RGS22: variants seen among roughly 807,000 people sequenced by gnomAD.
RGS22 encodes regulator of G protein signaling 22.
RGS22 carries 148 observed loss-of-function variants against 172.9 expected under a neutral mutation model. The observed-to-expected ratio is 0.86, with a 90% CI of 0.75 to 0.98. The LOEUF (loss-of-function observed/expected upper bound fraction) is 0.98, where lower values mean the gene tolerates loss of function less well. Ranked by LOEUF, RGS22 falls within the 50% of genes least tolerant of loss-of-function variation. The pLI, the probability that RGS22 is intolerant of heterozygous loss-of-function variation, is 0.00. For missense variants in RGS22, 1,347 were observed against 1,440.8 expected, an observed-to-expected ratio of 0.93 and a Z score of 1.05; for synonymous variants, 458 against 480.2, an observed-to-expected ratio of 0.95 and a Z score of 0.60.
At chr8:100,066,063 T>C (rs1810511086) in intron 7 of RGS22, 104 bp downstream of exon 7, 1 of 1,034,670 alleles carries the variant, frequency 9.7e-7, no homozygotes, top group African/African-American at 1.6e-5. Flanking sequence ...CGTATGTGGA[T>C]AATTTTTTCT....
At chr8:100,100,578 T>C (rs201145953) in intron 2 of RGS22, among the ~76,000 whole-genome samples, 29 of 152,134 alleles carry the variant, frequency 1.9e-4, no homozygotes, top group African/African-American at 6.0e-4. Flanking sequence ...GTGTGAGCCA[T>C]TGCACCTGGC....
intron 14 of RGS22, among the ~76,000 whole-genome samples, chr8:100,013,021 G>A (rs114366945): frequency 0.014 from 1,667 of 120,492 alleles, 27 homozygotes; most frequent in African/African-American, 0.047. Flanking sequence ...AGTCAGTCTC[G>A]CTTTATCACC....
In RGS22 at chr8:99,965,448, TA is replaced by T. The variant is rs1213067828; in HGVS notation, c.3520-19del. 6.7e-7 allele frequency: 1 copy of T among 1,502,778 alleles called. No individual in the cohort carries two copies. Among genetic ancestry groups the T allele is most frequent in the African/African-American group, 1.4e-5 (1 of 71,994 alleles). 93.1% of individuals were successfully genotyped at this position (1,502,778 alleles called of 1,614,324 possible). A position where few individuals can be genotyped will look rare whatever the true frequency, so the allele number is the denominator to read the frequency against. Reference sequence around the variant, plus strand: ...ATTCCATCCTGTAATTATATTAAATTAAATTATTACCCAGAAAAGATAATGA... The same window carrying T: ...ATTCCATCCTGTAATTATATTAAATTAATTATTACCCAGAAAAGATAATGA... On this transcript the variant is annotated intron_variant, in intron 23 of 27. Transcript: ENST00000360863.
chr8:100,066,247 T>C lies in RGS22; in HGVS notation c.644A>G (p.Gln215Arg). 6.2e-7 allele frequency: 1 copy of C among 1,613,456 alleles called. No homozygotes were observed. The highest frequency in any genetic ancestry group is 1.1e-5 in the South Asian group (1 of 91,042). ...KDWFALAKQS[Q>R]QTVSTFSLPC... is the part of the protein sequence containing the mutation. ...TAACGAAAAGGTTGATACTGTTTGC[T>C]GACTTTGTTTTGCTAATGCAAACCA... Residue 215 changes from glutamine (Q) to arginine (R), a missense_variant, in exon 7 of 28, where the codon CAG becomes CGG. Transcript: ENST00000360863.
chr8:100,021,581 G>C (rs1041911308), intron 14 of RGS22, among the ~76,000 whole-genome samples: 4 of 152,136 alleles, frequency 2.6e-5, no homozygotes, highest in Non-Finnish European at 5.9e-5. Flanking sequence ...ACCCCAAAGA[G>C]ACCAAAATCA....
chr8:100,098,866 AT>A (rs1378643536), intron 2 of RGS22, among the ~76,000 whole-genome samples: 9 of 5,156 alleles, frequency 1.7e-3, no homozygotes, highest in African/African-American at 4.9e-3. Flanking sequence ...TATTTTATTT[AT>A]TTTATTTTAT....
At chr8:100,019,281 T>C (rs1441934177) in intron 14 of RGS22, among the ~76,000 whole-genome samples, 2 of 152,254 alleles carry the variant, frequency 1.3e-5, no homozygotes, top group Admixed American at 1.3e-4. Context: ...TAATACCAAA[T>C]GTTGTAACAC....
intron 20 of RGS22, among the ~76,000 whole-genome samples, chr8:99,994,122 A>C (rs190438198): frequency 3.9e-5 from 6 of 152,202 alleles, no homozygotes; most frequent in African/African-American, 1.4e-4. Context: ...TCTCAAAATA[A>C]TAAGAGCTGT....
At position 100,006,033 on chromosome 8, in the gene RGS22, A is replaced by G. The variant is rs1329744994; in HGVS notation, c.2438T>C (p.Phe813Ser). The stretch of plus-strand genomic sequence containing the variant: ...TTGCCTTACCTCAGCTTTCTTGGAA[A>G]ATGTCTCTTTATGCAAAGCCTGTAG... Reference protein sequence around the residue: ...RKLQALHKETFSKKAEDTTCE... With the variant: ...RKLQALHKETSSKKAEDTTCE... The change falls in exon 16 of 28, where the codon TTT becomes TCT. Residue 813 changes from phenylalanine (F) to serine (S), a missense_variant. Physicochemically the swap from Phe to Ser is radical, Grantham distance 155. Coordinates refer to ENST00000360863, the MANE Select transcript of RGS22 (RefSeq NM_015668.5). 6.2e-7 allele frequency: 1 copy of G among 1,613,060 alleles called. No homozygotes were observed. Among genetic ancestry groups the G allele is most frequent in the Admixed American group, 1.7e-5 (1 of 59,870 alleles).
At chr8:99,996,604 T>C in intron 19 of RGS22, 74 bp from the exon 20 acceptor site, 1 of 1,203,704 alleles carries the variant, frequency 8.3e-7, no homozygotes, top group Non-Finnish European at 1.2e-6. Flanking sequence ...ATTAAGTAGC[T>C]AAAAAAATGA....
intron 10 of RGS22, among the ~76,000 whole-genome samples, chr8:100,048,969 A>C (rs56280926): frequency 6.6e-6 from 1 of 152,326 alleles, no homozygotes; most frequent in Non-Finnish European, 1.5e-5. Context: ...GATTAAGATG[A>C]CAAATTTTAT....
intron 3 of RGS22, among the ~76,000 whole-genome samples, chr8:100,084,885 A>T (rs1812050325): frequency 6.6e-6 from 1 of 152,234 alleles, no homozygotes; most frequent in African/African-American, 2.4e-5. Context: ...TAAACAAAAT[A>T]CCGAAATAAA....
At chr8:100,018,226 A>G (rs1444316821) in intron 14 of RGS22, among the ~76,000 whole-genome samples, 1 of 152,116 alleles carries the variant, frequency 6.6e-6, no homozygotes, top group Non-Finnish European at 1.5e-5. Context: ...AAAAAAAAAA[A>G]AAAGTAATGC....
chr8:100,088,347 AACC>A (rs1415477785), intron 3 of RGS22, among the ~76,000 whole-genome samples: 1 of 152,142 alleles, frequency 6.6e-6, no homozygotes, highest in African/African-American at 2.4e-5. Flanking sequence ...AAACATTTGA[AACC>A]ACCCACAGAG....
At chr8:99,967,207 T>C (rs899376481) in intron 23 of RGS22, among the ~76,000 whole-genome samples, 14 of 152,184 alleles carry the variant, frequency 9.2e-5, no homozygotes, top group Non-Finnish European at 2.1e-4. Flanking sequence ...TACTATGCTC[T>C]TCCCACGGTC....
intron 23 of RGS22, among the ~76,000 whole-genome samples, chr8:99,970,229 A>G (rs1343032635): frequency 1.3e-5 from 2 of 152,230 alleles, no homozygotes; most frequent in East Asian, 3.9e-4. Flanking sequence ...ACACAGCTAA[A>G]GCAGTGTTAA....
intron 4 of RGS22, among the ~76,000 whole-genome samples, chr8:100,078,311 T>G (rs1167011644): frequency 6.6e-6 from 1 of 151,836 alleles, no homozygotes; most frequent in East Asian, 1.9e-4. Context: ...CCATCATAGC[T>G]TACTGCAGCC....
chr8:100,063,372 T>C, intron 8 of RGS22, 44 bp downstream of exon 8: 2 of 1,383,362 alleles, frequency 1.4e-6, no homozygotes, highest in Non-Finnish European at 1.9e-6. Context: ...TTAATATTCA[T>C]AATTTGTTTT....
chr8:99,990,239 G>A lies in RGS22; in HGVS notation c.3019-2620C>T, dbSNP rs140067354. ...ATGAGCTATGATCATACTACTGCAC[G>A]GTAGCCTGGGCAACAGAGCAAGACC... On this transcript the variant is annotated intron_variant, in intron 20 of 27. Coordinates refer to ENST00000360863, the MANE Select transcript of RGS22 (RefSeq NM_015668.5). Among the ~76,000 whole-genome samples the A allele has an allele frequency of 3.8e-3, 571 of 152,094 alleles. 3 individuals are homozygous for A. The highest frequency in any genetic ancestry group is 0.013 in the African/African-American group (546 of 41,504).
Sources: gnomAD v4.1 joint callset for allele counts (sites outside exome capture counted in the v4.1 genomes callset) on GRCh38, gnomAD v4.1.1 for gene constraint, MANE v1.5 for transcripts, NCBI Gene and HGNC (gene_info 2026-07-23, HGNC 2026-07-21) for gene names.